NFIB: variants seen among roughly 807,000 people sequenced by gnomAD.
NFIB encodes nuclear factor I B.
NFIB carries 11 observed loss-of-function variants against 61.5 expected under a neutral mutation model. That is an observed-to-expected ratio of 0.18 (90% CI 0.11 to 0.30). The LOEUF (loss-of-function observed/expected upper bound fraction) is 0.30. Ranked by LOEUF, NFIB falls within the 10% of genes least tolerant of loss-of-function variation. The pLI is 1.00. For missense variants in NFIB, 471 were observed against 608.9 expected (o/e 0.77, Z 2.38); for synonymous variants, 260 against 216.5 (o/e 1.20, Z -1.76).
chr9:14,258,344 T>C (rs962804275), intron 2 of NFIB, among the ~76,000 whole-genome samples: 2 of 152,208 alleles, frequency 1.3e-5, no homozygotes, highest in Admixed American at 1.3e-4. Flanking sequence ...TGCTGGTGGG[T>C]GAGAACAGCA....
intron 7 of NFIB, among the ~76,000 whole-genome samples, chr9:14,122,058 A>C (rs553888777): frequency 6.6e-6 from 1 of 152,162 alleles, no homozygotes; most frequent in South Asian, 2.1e-4. Context: ...GGAAATTATA[A>C]ACGATAAATG....
intron 2 of NFIB, among the ~76,000 whole-genome samples, chr9:14,262,963 A>G (rs1205475574): frequency 1.3e-5 from 2 of 152,104 alleles, no homozygotes; most frequent in Admixed American, 1.3e-4. Flanking sequence ...CTTGAACTAA[A>G]CATCTGTTTA....
the NFIB span, among the ~76,000 whole-genome samples, chr9:14,529,559 T>C: frequency 3.3e-5 from 5 of 152,196 alleles, no homozygotes; most frequent in African/African-American, 1.2e-4. Flanking sequence ...AACCGCCATG[T>C]ATTCTGTCTC....
rs1400165767 is a variant in NFIB, at chr9:14,157,016, A to G, written c.617-1123T>C. ...GAGCTGGGATTTGAATCCTAGCCAC[A>G]GATGACCAGTTATGAAATCTTGGCT... On this transcript the variant is annotated intron_variant, in intron 3 of 10. Transcript: ENST00000380953. 3.9e-5 allele frequency among the ~76,000 whole-genome samples: 6 copies of G among 152,312 alleles called. No individual in the cohort carries two copies. In the East Asian group the frequency reaches 9.7e-4, roughly 25 times the overall value.
At chr9:14,449,622 A>C in the NFIB span, among the ~76,000 whole-genome samples, 1 of 152,190 alleles carries the variant, frequency 6.6e-6, no homozygotes, top group Non-Finnish European at 1.5e-5. Context: ...GAAAAACAAA[A>C]GTCAAAACAG....
intron 2 of NFIB, among the ~76,000 whole-genome samples, chr9:14,238,012 G>A (rs576637914): frequency 6.6e-6 from 1 of 152,032 alleles, no homozygotes; most frequent in African/African-American, 2.4e-5. Flanking sequence ...TATGAAATAT[G>A]TGAGGTAGCT....
intron 2 of NFIB, among the ~76,000 whole-genome samples, chr9:14,286,276 A>T (rs2058703835): frequency 6.6e-6 from 1 of 152,178 alleles, no homozygotes; most frequent in Admixed American, 6.5e-5. Flanking sequence ...TTTGAATGGG[A>T]GGGTGCTAGG....
chr9:14,395,185 A>G (rs1035325707), intron 1 of NFIB, among the ~76,000 whole-genome samples: 6 of 152,004 alleles, frequency 3.9e-5, no homozygotes, highest in African/African-American at 1.4e-4. Context: ...AAGCCTCCAT[A>G]TGTGTGCTAG....
chr9:14,106,989 C>A (rs548251668), intron 10 of NFIB, among the ~76,000 whole-genome samples: 1 of 151,768 alleles, frequency 6.6e-6, no homozygotes. Flanking sequence ...TTTCTTTTTA[C>A]GTTTACAATG....
chr9:14,347,789 C>T (rs1298790730), intron 1 of NFIB, among the ~76,000 whole-genome samples: 1 of 152,140 alleles, frequency 6.6e-6, no homozygotes, highest in Non-Finnish European at 1.5e-5. Context: ...CACTACCCGG[C>T]GACGGCTCAG....
the NFIB span, among the ~76,000 whole-genome samples, chr9:14,459,562 T>C: frequency 0.8 from 121,237 of 151,610 alleles, 48,559 homozygotes; most frequent in East Asian, 0.88. Flanking sequence ...AAAGAAACTA[T>C]CATCAGAGTG....
chr9:14,527,315 C>G, the NFIB span, among the ~76,000 whole-genome samples: 1 of 152,074 alleles, frequency 6.6e-6, no homozygotes, highest in African/African-American at 2.4e-5. Context: ...TTGTTTTACT[C>G]AGAAACTAGT....
intron 6 of NFIB, among the ~76,000 whole-genome samples, chr9:14,130,028 T>C (rs1297875041): frequency 2.0e-5 from 3 of 152,144 alleles, no homozygotes; most frequent in African/African-American, 7.2e-5. Flanking sequence ...TAATAATTTA[T>C]AAATGAATTG....
chr9:14,467,642 T>G, the NFIB span, among the ~76,000 whole-genome samples: 14 of 152,256 alleles, frequency 9.2e-5, no homozygotes, highest in Non-Finnish European at 1.8e-4. Flanking sequence ...TCACTCAATA[T>G]TGATTTACTC....
intron 2 of NFIB, among the ~76,000 whole-genome samples, chr9:14,306,191 T>A (rs1352341383): frequency 1.3e-5 from 2 of 152,172 alleles, no homozygotes; most frequent in African/African-American, 2.4e-5. Context: ...TTTTTAAGAT[T>A]TATCTTAAAC....
chr9:14,301,924 C>CAA (rs763948771), intron 2 of NFIB, among the ~76,000 whole-genome samples: 30 of 152,178 alleles, frequency 2.0e-4, no homozygotes, highest in Non-Finnish European at 4.1e-4. Context: ...AGCCAGAATG[C>CAA]AAACAAATGT....
intron 1 of NFIB, among the ~76,000 whole-genome samples, chr9:14,395,377 G>A (rs541543416): frequency 6.6e-6 from 1 of 151,476 alleles, no homozygotes; most frequent in South Asian, 2.1e-4. Context: ...TTTGGATCCT[G>A]TTTGAAAAAA....
At chr9:14,260,906 T>C (rs1342252202) in intron 2 of NFIB, among the ~76,000 whole-genome samples, 2 of 152,182 alleles carry the variant, frequency 1.3e-5, no homozygotes, top group Non-Finnish European at 2.9e-5. Flanking sequence ...ACATCATTGG[T>C]TCTTGCCTCT....
chr9:14,234,638 A>C lies in NFIB; in HGVS notation c.563-54858T>G, dbSNP rs573587472. The stretch of plus-strand genomic sequence containing the variant: ...CGGCCTCCCAAAGTGCTGTGATTAC[A>C]GGTGTGAGCCACTGCACTTGGTCTA... On this transcript the variant is annotated intron_variant, in intron 2 of 10. Coordinates refer to ENST00000380953, the MANE Select transcript of NFIB (RefSeq NM_001190737.2). 4.3e-4 allele frequency among the ~76,000 whole-genome samples: 65 copies of C among 151,058 alleles called. 1 individual carries two copies. Among genetic ancestry groups the C allele is most frequent in the African/African-American group, 1.6e-3 (64 of 40,996 alleles).
Sources: gnomAD v4.1 joint callset for allele counts (sites outside exome capture counted in the v4.1 genomes callset) on GRCh38, gnomAD v4.1.1 for gene constraint, MANE v1.5 for transcripts, NCBI Gene and HGNC (gene_info 2026-07-23, HGNC 2026-07-21) for gene names.